NR1H4: variants seen among roughly 807,000 people sequenced by gnomAD.
The protein encoded by NR1H4 is bile acid receptor.
A neutral mutation model predicts 58.5 loss-of-function variants in NR1H4; 23 were observed. The observed-to-expected ratio is 0.39, with a 90% CI of 0.28 to 0.56. NR1H4 has a LOEUF of 0.56. Among genes scored for constraint, NR1H4 ranks in the 20% least tolerant of loss-of-function variants. The pLI, the probability that NR1H4 is intolerant of heterozygous loss-of-function variation, is 0.58. For missense variants in NR1H4, 487 were observed against 576.9 expected, an observed-to-expected ratio of 0.84 and a Z score of 1.60; for synonymous variants, 214 against 198.0, an observed-to-expected ratio of 1.08 and a Z score of -0.68.
At chr12:100,505,906 C>T in intron 3 of NR1H4, 1 of 321,108 alleles carries the variant, frequency 3.1e-6, no homozygotes. Context: ...CTTCCCAAAA[C>T]ACACAAACAA....
chr12:100,545,671 C>CAAAAAA lies in NR1H4; in HGVS notation c.1078+4856_1078+4857insAAAAAA, dbSNP rs1491301660. Among the ~76,000 whole-genome samples, 148 of 53,276 alleles carry CAAAAAA rather than the reference C, an allele frequency of 2.8e-3. 19 individuals carry two copies. Among genetic ancestry groups the CAAAAAA allele is most frequent in the African/African-American group, 0.013 (140 of 11,096 alleles). The allele number at this position is 53,276 out of a possible 152,430, so 35.0% of individuals were successfully genotyped here. A position where few individuals can be genotyped will look rare whatever the true frequency, so the allele number is the denominator to read the frequency against. ...AAAAAAAAAAAAAAAAAAAAAAAAC[C>CAAAAAA]AAACGGGGGGCATATATGCGTAATG... On this transcript the variant is annotated intron_variant, in intron 9 of 10. Coordinates refer to ENST00000392986, the MANE Select transcript of NR1H4 (RefSeq NM_001206979.2).
At chr12:100,540,950 A>C in intron 9 of NR1H4, 132 bp downstream of exon 9, 1 of 856,616 alleles carries the variant, frequency 1.2e-6, no homozygotes, top group Non-Finnish European at 1.9e-6. Context: ...AATGGCTCTA[A>C]AAAGATATGT....
chr12:100,521,278 T>A (rs142031137), intron 4 of NR1H4, among the ~76,000 whole-genome samples: 585 of 152,324 alleles, frequency 3.8e-3, no homozygotes, highest in Non-Finnish European at 5.4e-3. Context: ...AGAGAAATGA[T>A]GGTTTTCAAT....
intron 9 of NR1H4, among the ~76,000 whole-genome samples, chr12:100,556,029 T>A (rs377046269): frequency 6.6e-6 from 1 of 151,982 alleles, no homozygotes; most frequent in Non-Finnish European, 1.5e-5. Context: ...AATTAAAAAA[T>A]CAAAGTCAAA....
chr12:100,548,799 TG>T (rs901236098), intron 9 of NR1H4, among the ~76,000 whole-genome samples: 5 of 152,186 alleles, frequency 3.3e-5, no homozygotes, highest in African/African-American at 1.2e-4. Flanking sequence ...ATAGATTTCA[TG>T]CATAATTTAA....
chr12:100,512,177 G>A lies in NR1H4; in HGVS notation c.445+1034G>A, dbSNP rs1343316375. 2.0e-5 allele frequency among the ~76,000 whole-genome samples: 3 copies of A among 152,242 alleles called. 1 individual carries two copies. The highest frequency in any genetic ancestry group is 1.5e-5 in the Non-Finnish European group (1 of 68,018). On this transcript the variant is annotated intron_variant, in intron 4 of 10. Transcript: ENST00000392986. ...GAGCCCGGGAGGTTGAGGCTGCAGT[G>A]AGCCGTGATCATGCCACTGCACTCC... is the stretch of plus-strand genomic sequence containing the variant.
chr12:100,523,109 C>T (rs957552878), intron 4 of NR1H4, among the ~76,000 whole-genome samples: 7 of 152,082 alleles, frequency 4.6e-5, no homozygotes, highest in African/African-American at 1.7e-4. Context: ...GATCTACTTT[C>T]AGTTCTTTAA....
At chr12:100,553,752 A>T (rs1033716586) in intron 9 of NR1H4, among the ~76,000 whole-genome samples, 2 of 152,220 alleles carry the variant, frequency 1.3e-5, no homozygotes, top group African/African-American at 4.8e-5. Flanking sequence ...TCCTTGGCGT[A>T]TTGACCTTCC....
rs1954644177 is a variant in NR1H4, at chr12:100,529,623, C to G, written c.446-2835C>G. Among the ~76,000 whole-genome samples the G allele has an allele frequency of 2.0e-5, 3 of 152,150 alleles. No individual in the cohort carries two copies. In the South Asian group the frequency reaches 6.2e-4, roughly 32 times the overall value. On this transcript the variant is annotated intron_variant, in intron 4 of 10. Transcript: ENST00000392986. ...CCTTTCTTGGAATTTTCATAACACCCTGTGTTTGCTCATTTTTCCGAATGT... is the reference window on the plus strand; with the variant it reads ...CCTTTCTTGGAATTTTCATAACACCGTGTGTTTGCTCATTTTTCCGAATGT...
intron 4 of NR1H4, among the ~76,000 whole-genome samples, chr12:100,521,413 G>A (rs1312231917): frequency 6.6e-6 from 1 of 152,202 alleles, no homozygotes; most frequent in Non-Finnish European, 1.5e-5. Flanking sequence ...ATATGGAAAT[G>A]TGCTAATGTC....
At chr12:100,534,865 A>G in intron 5 of NR1H4, 25 bp from the exon 6 acceptor site, 1 of 1,614,076 alleles carries the variant, frequency 6.2e-7, no homozygotes, top group South Asian at 1.1e-5. Context: ...GTGATTGGTG[A>G]AGTCTCTATG....
chr12:100,476,893 T>G (rs1044941444), intron 1 of NR1H4, among the ~76,000 whole-genome samples: 1 of 151,738 alleles, frequency 6.6e-6, no homozygotes, highest in African/African-American at 2.4e-5. Flanking sequence ...CCTCAAAATT[T>G]TTTTTAAAAA....
intron 1 of NR1H4, among the ~76,000 whole-genome samples, chr12:100,484,420 C>T (rs1953447353): frequency 6.6e-6 from 1 of 152,164 alleles, no homozygotes; most frequent in African/African-American, 2.4e-5. Context: ...AGTGGGAGTC[C>T]AAGCTACCAG....
intron 6 of NR1H4, 146 bp from the exon 7 acceptor site, chr12:100,536,366 C>A: frequency 1.8e-6 from 1 of 562,184 alleles, no homozygotes; most frequent in South Asian, 2.7e-5. Flanking sequence ...AAATTATACA[C>A]TCTCTTAGAA....
chr12:100,527,473 C>T (rs1954588316), intron 4 of NR1H4, among the ~76,000 whole-genome samples: 1 of 152,206 alleles, frequency 6.6e-6, no homozygotes, highest in South Asian at 2.1e-4. Flanking sequence ...TTTGAGGTTG[C>T]AGTGAGCTAT....
rs971911 is a variant in NR1H4, at chr12:100,484,832, G to A, written c.-189-7671G>A. 8.7e-3 allele frequency among the ~76,000 whole-genome samples: 1,326 copies of A among 152,256 alleles called. 24 individuals carry two copies. The highest frequency in any genetic ancestry group is 0.029 in the African/African-American group (1,223 of 41,528). The stretch of plus-strand genomic sequence containing the variant: ...TTCCAGTAGTTCCCCATTGACCACA[G>A]TTAGGTTCCCCAAACATTTTATGGG... On this transcript the variant is annotated intron_variant, in intron 1 of 10. Transcript: ENST00000392986.
chr12:100,493,883 A>G (rs3789987), intron 3 of NR1H4, among the ~76,000 whole-genome samples: 6,729 of 152,282 alleles, frequency 0.044, 227 homozygotes, highest in East Asian at 0.19. Flanking sequence ...AGGATTGAGG[A>G]CAAATTGTAC....
chr12:100,495,678 G>A (rs571414200), intron 3 of NR1H4, among the ~76,000 whole-genome samples: 21 of 152,006 alleles, frequency 1.4e-4, no homozygotes, highest in African/African-American at 4.3e-4. Context: ...GCAGTGAGTC[G>A]AGATCGCGCC....
Position 100,540,661 on chromosome 12 carries a change from T to A in NR1H4, c.932-11T>A, listed in dbSNP as rs1462530172. ...CTCCTTGATACCAATTTGATTATCA[T>A]CATTACCTAGGATTTCAGACTTTGG... On this transcript the variant is annotated splice_polypyrimidine_tract_variant and intron_variant, in intron 8 of 10. Coordinates refer to ENST00000392986, the MANE Select transcript of NR1H4 (RefSeq NM_001206979.2). 4.3e-6 allele frequency: 7 copies of A among 1,613,924 alleles called. No individual in the cohort carries two copies. Among genetic ancestry groups the A allele is most frequent in the Admixed American group, 3.3e-5 (2 of 60,030 alleles).
Sources: allele counts gnomAD v4.1 joint callset (sites outside exome capture counted in the v4.1 genomes callset), GRCh38; gene constraint gnomAD v4.1.1; transcripts MANE v1.5; gene names NCBI Gene and HGNC (gene_info 2026-07-23, HGNC 2026-07-21).